SNRNP200: variants seen among roughly 807,000 people sequenced by gnomAD.
The protein encoded by SNRNP200 is U5 small nuclear ribonucleoprotein 200 kDa helicase.
Under a neutral mutation model 255.2 loss-of-function variants are expected in SNRNP200, and 66 were observed. That is an observed-to-expected ratio of 0.26 (90% confidence interval 0.21 to 0.32). The LOEUF (loss-of-function observed/expected upper bound fraction) is 0.32, where lower values mean the gene tolerates loss of function less well. Among genes scored for constraint, SNRNP200 ranks in the 10% least tolerant of loss-of-function variants. The probability of loss-of-function intolerance (pLI) is 1.00; values close to 1 mark genes in which losing one functional copy is unlikely to be tolerated. For missense variants in SNRNP200, 1,585 were observed against 2,749.8 expected (o/e 0.58, Z 9.47); for synonymous variants, 939 against 1,027.8 (o/e 0.91, Z 1.65).
Position 96,278,416 on chromosome 2 carries a change from GC to G in SNRNP200, c.5489-59del. On this transcript the variant is annotated intron_variant, in intron 38 of 44. Coordinates refer to ENST00000323853, the MANE Select transcript of SNRNP200 (RefSeq NM_014014.5). The surrounding 1 kb of genome is among the most constrained non-coding windows in gnomAD (Gnocchi z 6.9). ...AACCAGGCAGAGAAGGAGCAGAACT[GC>G]CCGGGCTCCCCTGCTGTCCCCTGCA... The G allele has an allele frequency of 1.1e-5, 17 of 1,612,974 alleles. No homozygotes were observed. Among genetic ancestry groups the G allele is most frequent in the Non-Finnish European group, 1.4e-5 (17 of 1,179,782 alleles).
Position 96,287,744 on chromosome 2 carries a change from C to T in SNRNP200, c.3365+119G>A. 4.1e-6 allele frequency: 4 copies of T among 983,122 alleles called. No homozygotes were observed. Among genetic ancestry groups the T allele is most frequent in the Non-Finnish European group, 6.6e-6 (4 of 606,790 alleles). 60.9% of individuals were successfully genotyped at this position (983,122 alleles called of 1,614,324 possible). On this transcript the variant is annotated intron_variant, in intron 25 of 44. Transcript: ENST00000323853. The surrounding 1 kb of genome is among the most constrained non-coding windows in gnomAD (Gnocchi z 5.7). ...CCTCTTCTCAATGTGCACCAAGGTT[C>T]AGGTCATACTTCCGATGTCAGGTCT...
At position 96,297,757 on chromosome 2, in the gene SNRNP200, C is replaced by A. The variant is rs763762564; in HGVS notation, c.1120-37G>T. ...AAAGATAAAAATCACAAAAACAATTCATCAGTATCATAGGTTCTTGTCCTT... is the reference window on the plus strand; with the variant it reads ...AAAGATAAAAATCACAAAAACAATTAATCAGTATCATAGGTTCTTGTCCTT... On this transcript the variant is annotated intron_variant, in intron 9 of 44. Transcript: ENST00000323853. 13 of 1,608,040 alleles carry A rather than the reference C, an allele frequency of 8.1e-6. No homozygotes were observed. In the East Asian group the frequency reaches 2.5e-4, roughly 30 times the overall value.
At chr2:96,294,633 G>A (rs953347219) in intron 14 of SNRNP200, among the ~76,000 whole-genome samples, 1 of 152,140 alleles carries the variant, frequency 6.6e-6, no homozygotes, top group Non-Finnish European at 1.5e-5. Flanking sequence ...AAACCAACAC[G>A]TGAAGTCTCC....
Position 96,283,940 on chromosome 2 carries a change from C to T in SNRNP200, c.4457G>A (p.Arg1486His), listed in dbSNP as rs2063825148. The T allele has an allele frequency of 2.5e-6, 4 of 1,599,972 alleles. No individual in the cohort carries two copies. The highest frequency in any genetic ancestry group is 2.3e-5 in the South Asian group (2 of 88,834). The change falls in exon 32 of 45, where the codon CGC becomes CAC. Residue 1486 changes from arginine (R) to histidine (H), a missense_variant. This residue lies in a region of SNRNP200 where 719 missense variants were observed against 1,091.1 expected (regional missense o/e 0.66). Transcript: ENST00000323853. This position sits in a 1 kb window ranked among gnomAD's most constrained non-coding sequence, Gnocchi z 4.7. ...GAGCGAAGAGCTGAGTGCCACAATGCGAATGGGCCGCTCAATCTGGGAGGA... is the reference window on the plus strand; with the variant it reads ...GAGCGAAGAGCTGAGTGCCACAATGTGAATGGGCCGCTCAATCTGGGAGGA... ...YISSQIERPI[R>H]IVALSSSLSN...
chr2:96,295,373 C>A, intron 14 of SNRNP200, 115 bp downstream of exon 14: 2 of 1,481,698 alleles, frequency 1.3e-6, no homozygotes, highest in Non-Finnish European at 1.9e-6. Flanking sequence ...GAGGACTAGT[C>A]ATTACAAAGG....
Position 96,298,795 on chromosome 2 carries a change from T to G in SNRNP200, c.882+20A>C. 6.2e-7 allele frequency: 1 copy of G among 1,614,170 alleles called. No homozygotes were observed. Among genetic ancestry groups the G allele is most frequent in the Non-Finnish European group, 8.5e-7 (1 of 1,180,000 alleles). On this transcript the variant is annotated intron_variant, in intron 7 of 44. Transcript: ENST00000323853. ...TGCTAAGATACACTAAATATACAAC[T>G]ATTGTCATCTTGGCCATACCTTCAA...
At chr2:96,284,173 A>G (rs1375814147) in intron 31 of SNRNP200, 169 bp from the exon 32 acceptor site, 2 of 849,850 alleles carry the variant, frequency 2.4e-6, no homozygotes, top group African/African-American at 1.7e-5. Context: ...AACCTCCACT[A>G]AACAATACTG....
chr2:96,295,702 CT>C (rs2063912648), intron 13 of SNRNP200, 44 bp from the exon 14 acceptor site: 3 of 1,603,774 alleles, frequency 1.9e-6, no homozygotes, highest in Non-Finnish European at 1.7e-6. Context: ...TTGAAGGGGC[CT>C]GGACACCATG....
At position 96,296,938 on chromosome 2, in the gene SNRNP200, G is replaced by A; in HGVS notation, c.1510C>T (p.Pro504Ser). The stretch of plus-strand genomic sequence containing the variant: ...GCAGGCAGGGTGGCGCTTACAGTAG[G>A]AGCACACAGCAGCAGATTCTCATCC... Reference protein sequence around the residue: ...ETDENLLLCAPTGAGKTNVAL... With the variant: ...ETDENLLLCASTGAGKTNVAL... Residue 504 changes from proline (P) to serine (S), a missense_variant, in exon 12 of 45, where the codon CCT becomes TCT. Pro to Ser is a moderately conservative substitution (Grantham distance 74, BLOSUM62 -1). Around this residue, in one of 9 missense-constraint regions of SNRNP200, gnomAD observed 383 missense variants for 645.3 expected, o/e 0.59. Transcript: ENST00000323853. The A allele has an allele frequency of 6.2e-7, 1 of 1,614,148 alleles. No individual in the cohort carries two copies. Among genetic ancestry groups the A allele is most frequent in the Non-Finnish European group, 8.5e-7 (1 of 1,180,032 alleles).
At position 96,283,267 on chromosome 2, in the gene SNRNP200, C is replaced by G. The variant is rs772235207; in HGVS notation, c.4849G>C (p.Val1617Leu). 1.2e-6 allele frequency: 2 copies of G among 1,614,034 alleles called. No homozygotes were observed. Among genetic ancestry groups the G allele is most frequent in the East Asian group, 4.5e-5 (2 of 44,900 alleles). ...STLKETLLNG[V>L]GYLHEGLSPM... Reference sequence around the variant, plus strand: ...CTGAGCCCCTCATGCAGGTAGCCCACCCCATTTAGCAGCGTTTCCTTGAGC... The same window carrying G: ...CTGAGCCCCTCATGCAGGTAGCCCAGCCCATTTAGCAGCGTTTCCTTGAGC... The change falls in exon 34 of 45, where the codon GTG becomes CTG. Residue 1617 changes from valine to leucine, a missense_variant. By Grantham distance (32) the Val-to-Leu change is conservative. Transcript: ENST00000323853. This position sits in a 1 kb window ranked among gnomAD's most constrained non-coding sequence, Gnocchi z 4.7.
intron 24 of SNRNP200, among the ~76,000 whole-genome samples, chr2:96,288,275 A>G (rs2063856111): frequency 6.6e-6 from 1 of 152,218 alleles, no homozygotes; most frequent in South Asian, 2.1e-4. Context: ...TGAGGGTACC[A>G]GTGACCTGTT....
chr2:96,289,713 C>T, intron 21 of SNRNP200, 86 bp downstream of exon 21: 2 of 1,182,336 alleles, frequency 1.7e-6, no homozygotes, highest in Non-Finnish European at 2.5e-6. Flanking sequence ...AGGCAGTACT[C>T]ACATCAAGAG....
rs1432081816 is a variant in SNRNP200 at position 96,279,384 on chromosome 2, AAAAG to A, written c.5133+63_5133+66del. The A allele has an allele frequency of 2.2e-5, 22 of 1,022,828 alleles. No individual in the cohort carries two copies. In the East Asian group the frequency reaches 5.4e-4, roughly 25 times the overall value. 63.4% of individuals were successfully genotyped at this position (1,022,828 alleles called of 1,614,324 possible). A position where few individuals can be genotyped will look rare whatever the true frequency, so the allele number is the denominator to read the frequency against. On this transcript the variant is annotated intron_variant, in intron 36 of 44. Coordinates refer to ENST00000323853, the MANE Select transcript of SNRNP200 (RefSeq NM_014014.5). ...ACTAAAGTTACTGAAGACATCTATCAAAAGAAAGATTAAAGAATCCATTCTGAGG... is the reference window on the plus strand; with the variant it reads ...ACTAAAGTTACTGAAGACATCTATCAAAAGATTAAAGAATCCATTCTGAGG...
In SNRNP200 at chr2:96,277,316, C is replaced by G; in HGVS notation, c.5932-75G>C. 3.4e-6 allele frequency: 5 copies of G among 1,490,162 alleles called. No homozygotes were observed. The South Asian group carries it at 5.7e-5, about 17-fold the overall frequency. 92.3% of individuals were successfully genotyped at this position (1,490,162 alleles called of 1,614,324 possible). A position where few individuals can be genotyped will look rare whatever the true frequency, so the allele number is the denominator to read the frequency against. ...AAATGACACAGGCAGCAAAGAGCTA[C>G]TAATTTTACCTCCTACACTATCAAG... On this transcript the variant is annotated intron_variant, in intron 41 of 44. Coordinates refer to ENST00000323853, the MANE Select transcript of SNRNP200 (RefSeq NM_014014.5). The surrounding 1 kb of genome is among the most constrained non-coding windows in gnomAD (Gnocchi z 4.4).
chr2:96,287,648 A>C lies in SNRNP200; in HGVS notation c.3366-91T>G. The C allele has an allele frequency of 9.7e-7, 1 of 1,033,176 alleles. No individual in the cohort carries two copies. Among genetic ancestry groups the C allele is most frequent in the Non-Finnish European group, 1.5e-6 (1 of 650,420 alleles). The allele number at this position is 1,033,176 out of a possible 1,614,324, so 64.0% of individuals were successfully genotyped here. Reference sequence around the variant, plus strand: ...GGCTTCCAATAGTTTAGCAGTGACTACACAAAACACAGTCATTAAAGGCAG... The same window carrying C: ...GGCTTCCAATAGTTTAGCAGTGACTCCACAAAACACAGTCATTAAAGGCAG... On this transcript the variant is annotated intron_variant, in intron 25 of 44. Transcript: ENST00000323853. The surrounding 1 kb of genome is among the most constrained non-coding windows in gnomAD (Gnocchi z 5.7).
chr2:96,283,894 G>A lies in SNRNP200; in HGVS notation c.4503C>T (p.Ala1501=). The A allele has an allele frequency of 6.3e-7, 1 of 1,596,010 alleles. No individual in the cohort carries two copies. The highest frequency in any genetic ancestry group is 8.5e-7 in the Non-Finnish European group (1 of 1,171,270). Residue 1501 remains alanine, a synonymous_variant, in exon 32 of 45, where the codon GCC becomes GCT. Coordinates refer to ENST00000323853, the MANE Select transcript of SNRNP200 (RefSeq NM_014014.5). The surrounding 1 kb of genome is among the most constrained non-coding windows in gnomAD (Gnocchi z 4.7). ...AGGTGGCACTGCAGCCCAGCCAGTG[G>A]GCCACATCCTTGGCATTGGAGAGCG... ...SSSLSNAKDV[A]HWLGCSATST...
chr2:96,295,843 A>G (rs1273431749), intron 13 of SNRNP200, among the ~76,000 whole-genome samples, 185 bp from the exon 14 acceptor site: 1 of 152,192 alleles, frequency 6.6e-6, no homozygotes, highest in Non-Finnish European at 1.5e-5. Flanking sequence ...AGGCAAATAA[A>G]GCAGACAAAA....
chr2:96,284,966 T>C (rs2063835181), intron 30 of SNRNP200: 1 of 645,182 alleles, frequency 1.5e-6, no homozygotes, highest in African/African-American at 1.8e-5. Flanking sequence ...GCCAGGCTGG[T>C]CTCGAACTCC....
chr2:96,297,100 T>C, intron 11 of SNRNP200, 30 bp from the exon 12 acceptor site: 3 of 1,614,132 alleles, frequency 1.9e-6, no homozygotes, highest in South Asian at 1.1e-5. Context: ...ATCAATATCA[T>C]GTTGGCAGCA....
Sources: allele counts gnomAD v4.1 joint callset (sites outside exome capture counted in the v4.1 genomes callset), GRCh38; gene constraint gnomAD v4.1.1; regional missense constraint gnomAD v4.1.1; non-coding constraint Gnocchi (gnomAD v3.1); transcripts MANE v1.5; gene names NCBI Gene and HGNC (gene_info 2026-07-23, HGNC 2026-07-21).